ZFHX3: variants seen among roughly 807,000 people sequenced by gnomAD.
ZFHX3 encodes zinc finger homeobox protein 3.
In ZFHX3, 42 loss-of-function variants were observed where a neutral mutation model predicts 279.1. The observed-to-expected ratio is 0.15, with a 90% CI of 0.12 to 0.19. The LOEUF is 0.19. Ranked by LOEUF, ZFHX3 falls within the 10% of genes least tolerant of loss-of-function variation. ZFHX3 has a pLI of 1.00. For synonymous variants in ZFHX3, 2,293 were observed against 1,957.8 expected, an observed-to-expected ratio of 1.17 and a Z score of -4.52; for missense variants, 4,981 against 4,754.0, an observed-to-expected ratio of 1.05 and a Z score of -1.40.
At chr16:73,247,067 G>A (rs2013303636) in intron 5 of ZFHX3, among the ~76,000 whole-genome samples, 1 of 152,114 alleles carries the variant, frequency 6.6e-6, no homozygotes, top group African/African-American at 2.4e-5. Flanking sequence ...ATACCTGTAT[G>A]TGGAGTGTAT....
At chr16:72,936,940 G>A (rs1453902370) in intron 3 of ZFHX3, among the ~76,000 whole-genome samples, 2 of 152,150 alleles carry the variant, frequency 1.3e-5, no homozygotes, top group Non-Finnish European at 2.9e-5. Context: ...ATGTATTTTT[G>A]AAGGAAGCAC....
At chr16:73,425,449 G>T (rs75870834) in intron 3 of ZFHX3, among the ~76,000 whole-genome samples, 1 of 152,246 alleles carries the variant, frequency 6.6e-6, no homozygotes, top group African/African-American at 2.4e-5. Context: ...AATTCTAAGG[G>T]CATGAAACCT....
chr16:72,840,521 A>G (rs1177108941), intron 4 of ZFHX3, among the ~76,000 whole-genome samples: 4 of 152,220 alleles, frequency 2.6e-5, no homozygotes. Context: ...CAAAGAGAAA[A>G]AGAAAGAGGT....
chr16:73,364,471 C>T (rs17369632), intron 3 of ZFHX3, among the ~76,000 whole-genome samples: 58,502 of 151,820 alleles, frequency 0.39, 13,594 homozygotes, highest in Non-Finnish European at 0.51. Context: ...GTAGTTCTTT[C>T]GGTCTGGTCA....
chr16:73,455,952 T>C (rs1395539321), intron 3 of ZFHX3: 2 of 152,198 alleles, frequency 1.3e-5, no homozygotes, highest in South Asian at 2.1e-4. Context: ...ATTTATTTTA[T>C]TGTTGTTCTT....
At chr16:73,833,702 A>T (rs1961061807) in intron 1 of ZFHX3, among the ~76,000 whole-genome samples, 1 of 151,912 alleles carries the variant, frequency 6.6e-6, no homozygotes, top group Non-Finnish European at 1.5e-5. Context: ...GTGTATACCT[A>T]TGTAACAAAC....
chr16:73,501,854 A>G (rs938198414), intron 2 of ZFHX3, among the ~76,000 whole-genome samples: 4 of 152,080 alleles, frequency 2.6e-5, no homozygotes, highest in Non-Finnish European at 4.4e-5. Flanking sequence ...GTCGTACCCA[A>G]CGTCTCGTCT....
intron 5 of ZFHX3, among the ~76,000 whole-genome samples, chr16:72,824,459 C>T (rs1479488369): frequency 2.0e-5 from 3 of 152,190 alleles, no homozygotes; most frequent in Non-Finnish European, 4.4e-5. Flanking sequence ...AACTACCATT[C>T]TAACTCAAAA....
intron 1 of ZFHX3, among the ~76,000 whole-genome samples, chr16:73,802,037 G>T (rs1199180490): frequency 6.6e-6 from 1 of 152,170 alleles, no homozygotes; most frequent in African/African-American, 2.4e-5. Context: ...TGTTTATGAA[G>T]GACAGTGTGT....
Position 72,796,369 on chromosome 16 carries a change from T to G in ZFHX3, c.6313A>C (p.Met2105Leu). ...TGAGCCGGCAAGGTCTGCAGCGGCA[T>G]CGTCTGCATCATCAGCGGCGAGAAG... ...PIFSPLMMQTMPLQTLPAQLP... is the reference protein window; with the variant it reads ...PIFSPLMMQTLPLQTLPAQLP... The change falls in exon 9 of 10, where the codon ATG becomes CTG. Residue 2105 changes from methionine to leucine, a missense_variant. Physicochemically the swap from Met to Leu is conservative, Grantham distance 15 (BLOSUM62 2). Around this residue, in one of 7 missense-constraint regions of ZFHX3, gnomAD observed 1,751 missense variants for 1,770.0 expected, o/e 0.99. Coordinates refer to ENST00000268489, the MANE Select transcript of ZFHX3 (RefSeq NM_006885.4). 6.2e-7 allele frequency: 1 copy of G among 1,613,776 alleles called. No homozygotes were observed. Among genetic ancestry groups the G allele is most frequent in the Non-Finnish European group, 8.5e-7 (1 of 1,179,988 alleles).
At chr16:73,152,452 A>C (rs1011598985) in intron 5 of ZFHX3, among the ~76,000 whole-genome samples, 1 of 152,228 alleles carries the variant, frequency 6.6e-6, no homozygotes, top group Non-Finnish European at 1.5e-5. Flanking sequence ...ATAATAATAA[A>C]TGAAATTATT....
rs145288413 is a variant in ZFHX3, at chr16:72,794,794, C to T, written c.7888G>A (p.Asp2630Asn). 2.4e-4 allele frequency: 382 copies of T among 1,614,172 alleles called. No homozygotes were observed. The highest frequency in any genetic ancestry group is 3.1e-4 in the Non-Finnish European group (360 of 1,180,042). The change falls in exon 9 of 10, where the codon GAC (aspartate) becomes AAC (asparagine). Residue 2630 changes from aspartate (D) to asparagine (N), a missense_variant. By Grantham distance (23) the Asp-to-Asn change is conservative. Around this residue, in one of 7 missense-constraint regions of ZFHX3, gnomAD observed 744 missense variants for 701.3 expected, o/e 1.06. Coordinates refer to ENST00000268489, the MANE Select transcript of ZFHX3 (RefSeq NM_006885.4). This position sits in a 1 kb window ranked among gnomAD's most constrained non-coding sequence, Gnocchi z 4.2. ...EKASASPGEN[D>N]SGTGGEEPQR... ...GGCTCTTCTCCTCCTGTCCCACTGT[C>T]GTTTTCGCCAGGGCTTGCACTGGCC... is the stretch of plus-strand genomic sequence containing the variant.
At chr16:73,132,038 T>A (rs974130429) in intron 6 of ZFHX3, among the ~76,000 whole-genome samples, 2 of 152,052 alleles carry the variant, frequency 1.3e-5, no homozygotes, top group African/African-American at 4.8e-5. Flanking sequence ...GTAATCCCAG[T>A]GCTTTAGGAG....
At chr16:73,780,330 T>C (rs892488137) in intron 1 of ZFHX3, among the ~76,000 whole-genome samples, 9 of 150,558 alleles carry the variant, frequency 6.0e-5, no homozygotes, top group African/African-American at 2.2e-4. Context: ...GTATTTTTAG[T>C]AGAGATGGGG....
chr16:73,392,935 A>G (rs1004583966), intron 3 of ZFHX3, among the ~76,000 whole-genome samples: 2 of 152,188 alleles, frequency 1.3e-5, no homozygotes, highest in African/African-American at 4.8e-5. Flanking sequence ...CTCAGGTTCA[A>G]GTCATTCTCC....
At chr16:73,559,400 G>T (rs560107650) in intron 2 of ZFHX3, among the ~76,000 whole-genome samples, 1 of 152,282 alleles carries the variant, frequency 6.6e-6, no homozygotes, top group Non-Finnish European at 1.5e-5. Flanking sequence ...CTCACTGAAA[G>T]ACACTGCGTT....
intron 2 of ZFHX3, among the ~76,000 whole-genome samples, chr16:73,529,206 T>C (rs55951263): frequency 0.083 from 12,625 of 152,192 alleles, 692 homozygotes; most frequent in South Asian, 0.12. Context: ...AGACCCCTTG[T>C]ATGTTTGTGA....
intron 4 of ZFHX3, among the ~76,000 whole-genome samples, chr16:73,295,120 C>A (rs1176839708): frequency 1.3e-5 from 2 of 152,056 alleles, no homozygotes; most frequent in Non-Finnish European, 2.9e-5. Context: ...GAGGCTGAGG[C>A]AGGAGAATGG....
intron 2 of ZFHX3, among the ~76,000 whole-genome samples, chr16:73,657,635 C>A (rs940296994): frequency 3.3e-5 from 5 of 152,004 alleles, no homozygotes; most frequent in Admixed American, 2.0e-4. Flanking sequence ...AGTCAAGCAC[C>A]CACTATTTAT....
Sources: allele counts gnomAD v4.1 joint callset (sites outside exome capture counted in the v4.1 genomes callset), GRCh38; gene constraint gnomAD v4.1.1; regional missense constraint gnomAD v4.1.1; non-coding constraint Gnocchi (gnomAD v3.1); transcripts MANE v1.5; gene names NCBI Gene and HGNC (gene_info 2026-07-23, HGNC 2026-07-21).